The following PCDHA2 variants were observed in gnomAD, a reference collection of about 807,000 sequenced individuals.
PCDHA2 encodes protocadherin alpha-2.
A neutral mutation model predicts 66.0 loss-of-function variants in PCDHA2; 58 were observed. The ratio of observed to expected loss-of-function variants is 0.88; its 90% CI spans 0.71 to 1.09. PCDHA2 has a LOEUF of 1.09. Ranked by LOEUF, PCDHA2 falls within the 50% of genes least tolerant of loss-of-function variation. PCDHA2 has a pLI of 0.00. For missense variants in PCDHA2, 1,267 were observed against 1,242.3 expected (o/e 1.02, Z -0.30); for synonymous variants, 634 against 554.0 (o/e 1.14, Z -2.03).
At chr5:140,824,610 G>GT (rs2150135229) in intron 1 of PCDHA2, 42,955 of 94,730 alleles carry the variant, frequency 0.45, 12,425 homozygotes, top group South Asian at 0.52. Flanking sequence ...GCTAATTAAA[G>GT]TTTTTTTTTT....
intron 2 of PCDHA2, among the ~76,000 whole-genome samples, chr5:140,982,139 A>G (rs1381844546): frequency 1.3e-5 from 2 of 152,260 alleles, no homozygotes; most frequent in Non-Finnish European, 2.9e-5. Flanking sequence ...AGCCCTCCTC[A>G]TCTGCTTCAG....
intron 3 of PCDHA2, among the ~76,000 whole-genome samples, chr5:140,993,629 T>G (rs1359195159): frequency 5.9e-5 from 9 of 152,160 alleles, no homozygotes; most frequent in Non-Finnish European, 1.0e-4. Flanking sequence ...CTATATATAG[T>G]CGTGTACCAA....
At chr5:140,809,584 A>G in intron 1 of PCDHA2, 3 of 1,548,856 alleles carry the variant, frequency 1.9e-6, no homozygotes, top group Non-Finnish European at 2.6e-6. Context: ...TTAGTGTATA[A>G]CATCCTTTTG....
rs2098421094 is a variant in PCDHA2 at position 141,011,574 on chromosome 5, TAAATC to T, written c.*1640_*1644del. ...GAAAGACACAGTAAAATTTCTTTCT[TAAATC>T]AAGATACTGGTGATTCAAGGAATTT... On this transcript the variant is annotated 3_prime_UTR_variant, in exon 4 of 4. Transcript: ENST00000526136. 1.3e-5 allele frequency: 2 copies of T among 153,802 alleles called. No individual in the cohort carries two copies. 9.5% of individuals were successfully genotyped at this position (153,802 alleles called of 1,614,324 possible).
intron 1 of PCDHA2, among the ~76,000 whole-genome samples, chr5:140,932,720 G>A (rs868927369): frequency 6.6e-5 from 10 of 151,848 alleles, no homozygotes; most frequent in Non-Finnish European, 1.5e-5. Flanking sequence ...CAATAATATT[G>A]TATAATATAG....
At chr5:140,829,371 C>G (rs1243458912) in intron 1 of PCDHA2, 1 of 1,614,080 alleles carries the variant, frequency 6.2e-7, no homozygotes, top group African/African-American at 1.3e-5. Context: ...GTGGTAACCG[C>G]GCGGGACGGG....
chr5:140,842,950 G>C, intron 1 of PCDHA2: 1 of 1,594,728 alleles, frequency 6.3e-7, no homozygotes, highest in South Asian at 1.1e-5. Context: ...CGGGCGTGCC[G>C]CCTCTGGGCA....
At chr5:140,976,011 C>A (rs983997714) in intron 1 of PCDHA2, among the ~76,000 whole-genome samples, 10 of 152,230 alleles carry the variant, frequency 6.6e-5, no homozygotes, top group Admixed American at 1.3e-4. Flanking sequence ...TATTAAAGAA[C>A]TAAATAATCA....
In PCDHA2 at chr5:140,869,463, C is replaced by A. The variant is rs1554163094; in HGVS notation, c.2388+72111C>A. On this transcript the variant is annotated intron_variant, in intron 1 of 3. Transcript: ENST00000526136. ...GGCCGCTGCAGGTTTTCCATGTGAACGTGGAGGTGAAGGACATTAACGACA... is the reference window on the plus strand; with the variant it reads ...GGCCGCTGCAGGTTTTCCATGTGAAAGTGGAGGTGAAGGACATTAACGACA... 2 of 1,614,148 alleles carry A rather than the reference C, an allele frequency of 1.2e-6. No homozygotes were observed. Among genetic ancestry groups the A allele is most frequent in the Admixed American group, 1.7e-5 (1 of 60,024 alleles).
Position 140,881,317 on chromosome 5 carries a change from T to A in PCDHA2, c.2388+83965T>A, listed in dbSNP as rs2058663628. On this transcript the variant is annotated intron_variant, in intron 1 of 3. Coordinates refer to ENST00000526136, the MANE Select transcript of PCDHA2 (RefSeq NM_018905.3). ...GGAAACTTTAACCTCCTGGTTAAAT[T>A]CTATTTAACCAGGACGCCGATTCGG... 8.2e-6 allele frequency: 8 copies of A among 977,378 alleles called. No individual in the cohort carries two copies. The Admixed American group carries it at 4.9e-4, about 60-fold the overall frequency. The allele number at this position is 977,378 out of a possible 1,614,324, so 60.5% of individuals were successfully genotyped here.
At chr5:140,834,131 C>G (rs2150213699) in intron 1 of PCDHA2, 104 of 446,322 alleles carry the variant, frequency 2.3e-4, no homozygotes, top group Admixed American at 1.8e-3. Context: ...AACTTTTCAT[C>G]TGATTAATAG....
chr5:140,911,971 C>G (rs1041878022), intron 1 of PCDHA2, among the ~76,000 whole-genome samples: 5 of 152,266 alleles, frequency 3.3e-5, no homozygotes, highest in African/African-American at 1.2e-4. Flanking sequence ...GGAGTATTAA[C>G]TCACATGATC....
chr5:140,900,653 T>C (rs1163740859), intron 1 of PCDHA2, among the ~76,000 whole-genome samples: 1 of 152,220 alleles, frequency 6.6e-6, no homozygotes, highest in Non-Finnish European at 1.5e-5. Flanking sequence ...ACTGCTGCAA[T>C]GAACAATGGG....
At chr5:140,823,516 C>A in intron 1 of PCDHA2, 7 of 1,613,468 alleles carry the variant, frequency 4.3e-6, no homozygotes, top group Non-Finnish European at 5.9e-6. Flanking sequence ...CGAGCTGGTG[C>A]CGAGGTCAGT....
chr5:140,829,605 C>A (rs2150171072), intron 1 of PCDHA2: 1 of 1,612,104 alleles, frequency 6.2e-7, no homozygotes, highest in Non-Finnish European at 8.5e-7. Context: ...CGCGCGTTGT[C>A]GAGCTACATT....
Position 140,796,211 on chromosome 5 carries a change from A to G in PCDHA2, c.1247A>G (p.Glu416Gly). The G allele has an allele frequency of 6.2e-7, 1 of 1,614,208 alleles. No individual in the cohort carries two copies. Among genetic ancestry groups the G allele is most frequent in the South Asian group, 1.1e-5 (1 of 91,088 alleles). The change falls in exon 1 of 4, where the codon GAG (glutamate) becomes GGG (glycine). Residue 416 changes from glutamate (E) to glycine (G), a missense_variant. Coordinates refer to ENST00000526136, the MANE Select transcript of PCDHA2 (RefSeq NM_018905.3). ...GTGCTGGACAGCGCCCTGGACCGCG[A>G]GAGCGTGTCAGCCTATGAGCTGGTG... ...SLVLDSALDRESVSAYELVVT... is the reference protein window; with the variant it reads ...SLVLDSALDRGSVSAYELVVT...
chr5:140,879,557 T>C (rs1554170871), intron 1 of PCDHA2, among the ~76,000 whole-genome samples: 1 of 152,152 alleles, frequency 6.6e-6, no homozygotes, highest in Non-Finnish European at 1.5e-5. Flanking sequence ...AAATAATCCA[T>C]GAAAGAATAA....
intron 1 of PCDHA2, among the ~76,000 whole-genome samples, chr5:140,940,999 A>C (rs2092715324): frequency 1.3e-5 from 2 of 152,264 alleles, no homozygotes; most frequent in Admixed American, 1.3e-4. Context: ...TATAGGATTA[A>C]ATTTTCCTTT....
At chr5:140,908,019 G>A (rs1031093375) in intron 1 of PCDHA2, among the ~76,000 whole-genome samples, 1 of 152,122 alleles carries the variant, frequency 6.6e-6, no homozygotes, top group Non-Finnish European at 1.5e-5. Context: ...ACTGGCTACA[G>A]CCCATTAATC....
Sources: gnomAD v4.1 joint callset for allele counts (sites outside exome capture counted in the v4.1 genomes callset) on GRCh38, gnomAD v4.1.1 for gene constraint, MANE v1.5 for transcripts, NCBI Gene and HGNC (gene_info 2026-07-23, HGNC 2026-07-21) for gene names.